Variants in TRIM67 observed in about 807,000 individuals in gnomAD.
TRIM67 encodes the protein tripartite motif containing 67.
In TRIM67, 39 loss-of-function variants were observed where a neutral mutation model predicts 71.0. The observed-to-expected ratio is 0.55, with a 90% CI of 0.43 to 0.72. The LOEUF (loss-of-function observed/expected upper bound fraction) is 0.72, where lower values mean the gene tolerates loss of function less well. Among genes scored for constraint, TRIM67 ranks in the 30% least tolerant of loss-of-function variants. The pLI, the probability that TRIM67 is intolerant of heterozygous loss-of-function variation, is 0.00. For synonymous variants in TRIM67, 481 were observed against 473.9 expected (o/e 1.01, Z -0.19); for missense variants, 973 against 1,079.2 (o/e 0.90, Z 1.38).
chr1:231,169,993 C>CTTTTTTTTTTTTTTTTTTT lies in TRIM67; in HGVS notation c.1044+5990_1044+5991insTTTTTTTTTTTTTTTTTTT, dbSNP rs369558747. Among the ~76,000 whole-genome samples, 651 of 135,658 alleles carry CTTTTTTTTTTTTTTTTTTT rather than the reference C, an allele frequency of 4.8e-3. 42 individuals are homozygous for CTTTTTTTTTTTTTTTTTTT. Among genetic ancestry groups the CTTTTTTTTTTTTTTTTTTT allele is most frequent in the African/African-American group, 0.016 (495 of 30,640 alleles). The allele number at this position is 135,658 out of a possible 152,430, so 89.0% of individuals were successfully genotyped here. ...CTTTAAAATGTTTTTTTCTTTCTCT[C>CTTTTTTTTTTTTTTTTTTT]TTTTTTTTTTGAGTTGGAGTTTCAC... On this transcript the variant is annotated intron_variant, in intron 1 of 9. Coordinates refer to ENST00000366653, the MANE Select transcript of TRIM67 (RefSeq NM_001004342.5).
At chr1:231,192,571 C>T (rs74143581) in intron 1 of TRIM67, among the ~76,000 whole-genome samples, 5,197 of 152,338 alleles carry the variant, frequency 0.034, 294 homozygotes, top group African/African-American at 0.12. Flanking sequence ...TTCCACAATG[C>T]TATTCCCTGA....
intron 1 of TRIM67, among the ~76,000 whole-genome samples, chr1:231,177,924 T>A (rs1162075081): frequency 6.6e-6 from 1 of 152,240 alleles, no homozygotes; most frequent in Non-Finnish European, 1.5e-5. Context: ...AAATGTATTC[T>A]AATATCCATG....
At chr1:231,176,233 G>A (rs1446446027) in intron 1 of TRIM67, among the ~76,000 whole-genome samples, 1 of 152,172 alleles carries the variant, frequency 6.6e-6, no homozygotes, top group Non-Finnish European at 1.5e-5. Context: ...CAGGCCACAA[G>A]ACAGCTCACA....
chr1:231,186,403 G>A (rs1409748717), intron 1 of TRIM67, among the ~76,000 whole-genome samples: 1 of 152,072 alleles, frequency 6.6e-6, no homozygotes, highest in Non-Finnish European at 1.5e-5. Flanking sequence ...CCACAAACTG[G>A]GTGGCTTAGA....
chr1:231,205,112 G>A (rs1036632774), intron 6 of TRIM67, among the ~76,000 whole-genome samples: 1 of 152,158 alleles, frequency 6.6e-6, no homozygotes, highest in African/African-American at 2.4e-5. Flanking sequence ...AGAAAAGGCT[G>A]TTGGGAAATA....
rs779940961 is a variant in TRIM67 at position 231,203,968 on chromosome 1, G to A, written c.1636G>A (p.Gly546Ser). Residue 546 changes from glycine (G) to serine (S), a missense_variant, in exon 6 of 10, where the codon GGC becomes AGC. By Grantham distance (56) the Gly-to-Ser change is moderately conservative (BLOSUM62 0). Coordinates refer to ENST00000366653, the MANE Select transcript of TRIM67 (RefSeq NM_001004342.5). ...MPPFTHSPVD[G>S]YILELDDGAG... ...ACCCTTCACCCACAGCCCCGTGGAC[G>A]GCTACATCCTGGAGCTGGACGACGG... 2.0e-5 allele frequency: 33 copies of A among 1,613,862 alleles called. No homozygotes were observed. Among genetic ancestry groups the A allele is most frequent in the Non-Finnish European group, 2.6e-5 (31 of 1,179,874 alleles).
In TRIM67 at chr1:231,213,827, C is replaced by T. The variant is rs376686939; in HGVS notation, c.2136C>T (p.Gly712=). The T allele has an allele frequency of 2.5e-6, 4 of 1,597,648 alleles. No individual in the cohort carries two copies. The highest frequency in any genetic ancestry group is 3.4e-5 in the Admixed American group (2 of 58,528). ...ACTCTCTTCCCAGGACGGAAGGTGG[C>T]GTGTGCAAGGGGGCCACCGTGGGCG... ...CNSHTNRTEG[G]VCKGATVGVL... Residue 712 remains glycine (G), a synonymous_variant, in exon 9 of 10, where the codon GGC becomes GGT. Transcript: ENST00000366653.
chr1:231,217,934 T>A lies in TRIM67; in HGVS notation c.*2494T>A. On this transcript the variant is annotated 3_prime_UTR_variant, in exon 10 of 10. Coordinates refer to ENST00000366653, the MANE Select transcript of TRIM67 (RefSeq NM_001004342.5). ...GCAGCCAGGACTCCCTCCTCCCCAC[T>A]GCCACCCTGAGCTTGGGGGCTGGGA... 7.8e-7 allele frequency: 1 copy of A among 1,278,678 alleles called. No individual in the cohort carries two copies. The highest frequency in any genetic ancestry group is 1.3e-5 in the South Asian group (1 of 79,392). 79.2% of individuals were successfully genotyped at this position (1,278,678 alleles called of 1,614,324 possible).
chr1:231,173,028 T>C (rs1479325968), intron 1 of TRIM67, among the ~76,000 whole-genome samples: 1 of 152,220 alleles, frequency 6.6e-6, no homozygotes, highest in Non-Finnish European at 1.5e-5. Context: ...AATGATTATT[T>C]CTCTTTCAAT....
chr1:231,217,773 G>A lies in TRIM67; in HGVS notation c.*2333G>A. On this transcript the variant is annotated 3_prime_UTR_variant, in exon 10 of 10. Transcript: ENST00000366653. ...ATCGCCCATCATTGGAGCACAAGTT[G>A]CCTGGGGCTACCCTGAACCTAACCC... 1.6e-6 allele frequency: 2 copies of A among 1,283,250 alleles called. 1 individual carries two copies. Among genetic ancestry groups the A allele is most frequent in the South Asian group, 2.5e-5 (2 of 80,304 alleles). 79.5% of individuals were successfully genotyped at this position (1,283,250 alleles called of 1,614,324 possible).
rs577519807 is a variant in TRIM67, at chr1:231,167,565, G to A, written c.1044+3552G>A. Among the ~76,000 whole-genome samples, 4 of 105,720 alleles carry A rather than the reference G, an allele frequency of 3.8e-5. 1 individual carries two copies. Among genetic ancestry groups the A allele is most frequent in the African/African-American group, 1.2e-4 (2 of 16,790 alleles). 69.4% of individuals were successfully genotyped at this position (105,720 alleles called of 152,430 possible). A position where few individuals can be genotyped will look rare whatever the true frequency, so the allele number is the denominator to read the frequency against. On this transcript the variant is annotated intron_variant, in intron 1 of 9. Transcript: ENST00000366653. Reference sequence around the variant, plus strand: ...TCTCGATCTCCTGACCTCGTGATCCGCCCGCCTCGGCCTCCCAAAGTGCTG... The same window carrying A: ...TCTCGATCTCCTGACCTCGTGATCCACCCGCCTCGGCCTCCCAAAGTGCTG...
In TRIM67 at chr1:231,189,922, A is replaced by G. The variant is rs193278266; in HGVS notation, c.1045-7449A>G. Among the ~76,000 whole-genome samples, 564 of 152,330 alleles carry G rather than the reference A, an allele frequency of 3.7e-3. 6 individuals carry two copies. Among genetic ancestry groups the G allele is most frequent in the Non-Finnish European group, 6.1e-3 (414 of 68,028 alleles). On this transcript the variant is annotated intron_variant, in intron 1 of 9. Coordinates refer to ENST00000366653, the MANE Select transcript of TRIM67 (RefSeq NM_001004342.5). ...GTGGGTGACCTCTAGAAGCCAGAAA[A>G]GGCACAGAAGAGGATTCTCCCTTAG...
At chr1:231,197,843 G>A (rs1213095560) in intron 2 of TRIM67, among the ~76,000 whole-genome samples, 2 of 151,028 alleles carry the variant, frequency 1.3e-5, no homozygotes, top group African/African-American at 4.9e-5. Context: ...AGAAGAAGAA[G>A]AAGAAGAAGG....
Position 231,205,594 on chromosome 1 carries a change from C to T in TRIM67, c.1681-1058C>T, listed in dbSNP as rs182733679. Among the ~76,000 whole-genome samples, 9 of 152,112 alleles carry T rather than the reference C, an allele frequency of 5.9e-5. No homozygotes were observed. The East Asian group carries it at 1.4e-3, about 23-fold the overall frequency. On this transcript the variant is annotated intron_variant, in intron 6 of 9. Transcript: ENST00000366653. ...TACAAAAATTACCCGGGCATGGTGG[C>T]GGATGCCTGTTGTCCCAGCTACTCT... is the stretch of plus-strand genomic sequence containing the variant.
chr1:231,207,740 C>T (rs1683745280), intron 7 of TRIM67, among the ~76,000 whole-genome samples: 1 of 152,190 alleles, frequency 6.6e-6, no homozygotes, highest in Non-Finnish European at 1.5e-5. Context: ...ACTTTGTACA[C>T]CCCTAGAGGA....
rs1371532493 is a variant in TRIM67, at chr1:231,163,590, C to T, written c.621C>T (p.Ile207=). The change falls in exon 1 of 10, where the codon ATC becomes ATT. Residue 207 remains isoleucine, a synonymous_variant. Transcript: ENST00000366653. ...CGTCTGCAGCCGCGGCGGTGGCCAT[C>T]TGCCAGCTGTGCGACCGCACCCCGC... is the stretch of plus-strand genomic sequence containing the variant. The part of the protein sequence containing the change: ...PGTSAAAAVA[I]CQLCDRTPPE... 11 of 1,516,650 alleles carry T rather than the reference C, an allele frequency of 7.3e-6. No homozygotes were observed. The East Asian group carries it at 2.9e-4, about 40-fold the overall frequency. 93.9% of individuals were successfully genotyped at this position (1,516,650 alleles called of 1,614,324 possible). A position where few individuals can be genotyped will look rare whatever the true frequency, so the allele number is the denominator to read the frequency against.
chr1:231,184,787 C>T, intron 1 of TRIM67: 1 of 568,014 alleles, frequency 1.8e-6, no homozygotes, highest in Non-Finnish European at 3.1e-6. Context: ...GTCCCTGAAC[C>T]CAGGGCCTTC....
At chr1:231,199,398 C>A (rs1683459428) in intron 3 of TRIM67, among the ~76,000 whole-genome samples, 1 of 152,152 alleles carries the variant, frequency 6.6e-6, no homozygotes, top group Admixed American at 6.5e-5. Flanking sequence ...AGTCAGAAGT[C>A]CACCCTCTCC....
In TRIM67 at chr1:231,162,786, A is replaced by T. The variant is rs1682323469; in HGVS notation, c.-184A>T. The T allele has an allele frequency of 2.8e-6, 2 of 715,216 alleles. No individual in the cohort carries two copies. Among genetic ancestry groups the T allele is most frequent in the South Asian group, 2.0e-5 (1 of 50,422 alleles). 44.3% of individuals were successfully genotyped at this position (715,216 alleles called of 1,614,324 possible). A position where few individuals can be genotyped will look rare whatever the true frequency, so the allele number is the denominator to read the frequency against. On this transcript the variant is annotated 5_prime_UTR_variant, in exon 1 of 10. Coordinates refer to ENST00000366653, the MANE Select transcript of TRIM67 (RefSeq NM_001004342.5). ...CCCTCCCTTCTCTCGCCCCTCAATCATCTTAGGGCGGTGGCTACAGGACAG... is the reference window on the plus strand; with the variant it reads ...CCCTCCCTTCTCTCGCCCCTCAATCTTCTTAGGGCGGTGGCTACAGGACAG...
Sources: allele counts gnomAD v4.1 joint callset (sites outside exome capture counted in the v4.1 genomes callset), GRCh38; gene constraint gnomAD v4.1.1; transcripts MANE v1.5; gene names NCBI Gene and HGNC (gene_info 2026-07-23, HGNC 2026-07-21).